CDH11: variants seen among roughly 807,000 people sequenced by gnomAD.
The protein encoded by CDH11 is cadherin 11, also known as cadherin-11.
In CDH11, 11 loss-of-function variants were observed where a neutral mutation model predicts 67.8. The ratio of observed to expected loss-of-function variants is 0.16; its 90% CI spans 0.10 to 0.27. CDH11 has a LOEUF of 0.27. Ranked by LOEUF, CDH11 falls within the 10% of genes least tolerant of loss-of-function variation. CDH11 has a pLI of 1.00. For synonymous variants in CDH11, 419 were observed against 400.0 expected, an observed-to-expected ratio of 1.05 and a Z score of -0.57; for missense variants, 847 against 1,031.2, an observed-to-expected ratio of 0.82 and a Z score of 2.45.
chr16:64,963,736 G>C (rs2071735916), intron 11 of CDH11, among the ~76,000 whole-genome samples: 1 of 151,992 alleles, frequency 6.6e-6, no homozygotes. Flanking sequence ...TACCCGTAGA[G>C]GAATAAAGAT....
chr16:65,037,679 T>C (rs576934878), intron 2 of CDH11, among the ~76,000 whole-genome samples: 23 of 152,236 alleles, frequency 1.5e-4, no homozygotes, highest in Non-Finnish European at 3.2e-4. Flanking sequence ...TACTTGGCCC[T>C]TGGGACCGTC....
rs182538944 is a variant in CDH11, at chr16:65,032,928, G to T, written c.-173+20876C>A. On this transcript the variant is annotated intron_variant, in intron 2 of 12. Coordinates refer to ENST00000268603, the MANE Select transcript of CDH11 (RefSeq NM_001797.4). ...GGGACAAAATAGAGAATCAGTACAGGATCACAGCAGCAATTAGGCATCTTC... is the reference window on the plus strand; with the variant it reads ...GGGACAAAATAGAGAATCAGTACAGTATCACAGCAGCAATTAGGCATCTTC... 5.4e-3 allele frequency among the ~76,000 whole-genome samples: 829 copies of T among 152,292 alleles called. 9 individuals carry two copies. Among genetic ancestry groups the T allele is most frequent in the Middle Eastern group, 0.01 (3 of 294 alleles).
chr16:65,014,866 T>G (rs925270085), intron 2 of CDH11, among the ~76,000 whole-genome samples: 4 of 151,926 alleles, frequency 2.6e-5, no homozygotes, highest in Non-Finnish European at 2.9e-5. Context: ...AAACAATTTT[T>G]TTTTTTGAGA....
At chr16:65,046,671 T>C (rs1410889169) in intron 2 of CDH11, among the ~76,000 whole-genome samples, 1 of 152,218 alleles carries the variant, frequency 6.6e-6, no homozygotes, top group Non-Finnish European at 1.5e-5. Flanking sequence ...AAATTCAGTG[T>C]CTCCTGATGA....
intron 8 of CDH11, among the ~76,000 whole-genome samples, chr16:64,974,226 T>A (rs1467507367): frequency 6.6e-6 from 1 of 152,006 alleles, no homozygotes; most frequent in African/African-American, 2.4e-5. Flanking sequence ...TTATACTAAC[T>A]CCAAAATAGA....
rs147901259 is a variant in CDH11 at position 65,042,942 on chromosome 16, C to T, written c.-173+10862G>A. On this transcript the variant is annotated intron_variant, in intron 2 of 12. Coordinates refer to ENST00000268603, the MANE Select transcript of CDH11 (RefSeq NM_001797.4). ...GGGTGGGAAAACCTTTCAGACACTGCTACTGATTTCCTGGAAGCAGTGTTT... is the reference window on the plus strand; with the variant it reads ...GGGTGGGAAAACCTTTCAGACACTGTTACTGATTTCCTGGAAGCAGTGTTT... Among the ~76,000 whole-genome samples, 36 of 152,266 alleles carry T rather than the reference C, an allele frequency of 2.4e-4. No individual in the cohort carries two copies. In the East Asian group the frequency reaches 5.6e-3, roughly 24 times the overall value.
chr16:65,004,774 C>A lies in CDH11; in HGVS notation c.96G>T (p.Arg32=), dbSNP rs751506849. The change falls in exon 3 of 13, where the codon CGG becomes CGT. Residue 32 remains arginine (R), a synonymous_variant. Transcript: ENST00000268603. ...AFAPERRGHL[R]PSFHGHHEKG... ...TCTCATGGTGCCCATGGAAGGAGGG[C>A]CGCAGGTGCCCCCGCCGCTCTGGGG... 1.3e-6 allele frequency: 2 copies of A among 1,591,714 alleles called. No homozygotes were observed.
chr16:65,118,695 A>C (rs1368538119), intron 1 of CDH11: 1 of 152,222 alleles, frequency 6.6e-6, no homozygotes, highest in African/African-American at 2.4e-5. Flanking sequence ...TAGGAAAAAA[A>C]AACTTGAAAG....
intron 4 of CDH11, among the ~76,000 whole-genome samples, chr16:64,993,856 T>C (rs1056783367): frequency 6.6e-6 from 1 of 152,220 alleles, no homozygotes; most frequent in African/African-American, 2.4e-5. Flanking sequence ...ATCGAATTTC[T>C]CTGTGCCAGC....
Position 64,950,750 on chromosome 16 carries a change from C to A in CDH11, c.1894+17G>T. On this transcript the variant is annotated intron_variant, in intron 12 of 12. Coordinates refer to ENST00000268603, the MANE Select transcript of CDH11 (RefSeq NM_001797.4). ...GTTGCCTGGCCCTTCCTGCAGGGGA[C>A]CAGGAAGCGCCCTTACCCAGGAGAA... is the stretch of plus-strand genomic sequence containing the variant. 6.2e-7 allele frequency: 1 copy of A among 1,609,406 alleles called. No individual in the cohort carries two copies. The highest frequency in any genetic ancestry group is 8.5e-7 in the Non-Finnish European group (1 of 1,176,454).
rs922099617 is a variant in CDH11 at position 64,943,834 on chromosome 16, C to T, written c.*3769G>A. 1 of 223,484 alleles carries T rather than the reference C, an allele frequency of 4.5e-6. No individual in the cohort carries two copies. Among genetic ancestry groups the T allele is most frequent in the Non-Finnish European group, 8.9e-6 (1 of 111,858 alleles). The allele number at this position is 223,484 out of a possible 1,614,324, so 13.8% of individuals were successfully genotyped here. ...AAAGAACTGAGTATACAATGGTAAA[C>T]AAGAAAGCAAGATTCCCTGCCCTCA... On this transcript the variant is annotated 3_prime_UTR_variant, in exon 13 of 13. Coordinates refer to ENST00000268603, the MANE Select transcript of CDH11 (RefSeq NM_001797.4).
intron 2 of CDH11, among the ~76,000 whole-genome samples, chr16:65,043,869 A>G (rs1371646148): frequency 6.6e-6 from 1 of 152,048 alleles, no homozygotes; most frequent in Non-Finnish European, 1.5e-5. Flanking sequence ...GCTCTGCCAC[A>G]TATTACGTGT....
chr16:64,974,057 A>G (rs1427091304), intron 8 of CDH11, among the ~76,000 whole-genome samples: 1 of 152,120 alleles, frequency 6.6e-6, no homozygotes, highest in Non-Finnish European at 1.5e-5. Flanking sequence ...GGATAAAAAA[A>G]CCACATAATA....
At chr16:65,064,228 C>A (rs978567176) in intron 1 of CDH11, among the ~76,000 whole-genome samples, 2 of 152,210 alleles carry the variant, frequency 1.3e-5, no homozygotes, top group African/African-American at 4.8e-5. Flanking sequence ...ATTAGAAAGA[C>A]TTTGGCATAA....
chr16:64,950,279 G>C (rs2142369946), intron 12 of CDH11, among the ~76,000 whole-genome samples: 1 of 152,274 alleles, frequency 6.6e-6, no homozygotes, highest in East Asian at 1.9e-4. Context: ...TAGTGGAGGG[G>C]TTAGAGTCCT....
intron 1 of CDH11, among the ~76,000 whole-genome samples, chr16:65,102,919 C>G (rs989612846): frequency 6.6e-6 from 1 of 152,180 alleles, no homozygotes; most frequent in South Asian, 2.1e-4. Context: ...AACACTGAAA[C>G]TGAGCATTAT....
chr16:65,023,830 G>A (rs1017265219), intron 2 of CDH11, among the ~76,000 whole-genome samples: 7 of 152,154 alleles, frequency 4.6e-5, no homozygotes, highest in Non-Finnish European at 8.8e-5. Flanking sequence ...TTTCATTGCC[G>A]TCTTGGTTTT....
chr16:65,092,780 T>C (rs1359543816), intron 1 of CDH11, among the ~76,000 whole-genome samples: 1 of 148,294 alleles, frequency 6.7e-6, no homozygotes, highest in Non-Finnish European at 1.5e-5. Flanking sequence ...TGAGGGACAT[T>C]TTCCAAAAAA....
chr16:65,067,549 G>T lies in CDH11; in HGVS notation c.-297-13621C>A, dbSNP rs1353857472. On this transcript the variant is annotated intron_variant, in intron 1 of 12. Transcript: ENST00000268603. Reference sequence around the variant, plus strand: ...ATTGTGCTCATTGATTTATTGTTTTGTCTTCTTTATTGCTCATTCATTCAT... The same window carrying T: ...ATTGTGCTCATTGATTTATTGTTTTTTCTTCTTTATTGCTCATTCATTCAT... Among the ~76,000 whole-genome samples, 5 of 152,106 alleles carry T rather than the reference G, an allele frequency of 3.3e-5. No homozygotes were observed. In the East Asian group the frequency reaches 7.7e-4, roughly 24 times the overall value.
Sources: gnomAD v4.1 joint callset for allele counts (sites outside exome capture counted in the v4.1 genomes callset) on GRCh38, gnomAD v4.1.1 for gene constraint, MANE v1.5 for transcripts, NCBI Gene and HGNC (gene_info 2026-07-23, HGNC 2026-07-21) for gene names.